The following DOCK1 variants were observed in gnomAD, a reference collection of about 807,000 sequenced individuals.
DOCK1 encodes the protein dedicator of cytokinesis protein 1.
Under a neutral mutation model 262.7 loss-of-function variants are expected in DOCK1, and 138 were observed. The ratio of observed to expected loss-of-function variants is 0.53; its 90% CI spans 0.46 to 0.61. DOCK1 has a LOEUF of 0.61. Among genes scored for constraint, DOCK1 ranks in the 20% least tolerant of loss-of-function variants. The pLI is 0.00. For missense variants in DOCK1, 1,908 were observed against 2,370.7 expected, an observed-to-expected ratio of 0.80 and a Z score of 4.05; for synonymous variants, 866 against 867.4, an observed-to-expected ratio of 1.00 and a Z score of 0.03.
intron 14 of DOCK1, among the ~76,000 whole-genome samples, 152 bp from the exon 15 acceptor site, chr10:127,024,533 C>G (rs1014267837): frequency 2.6e-5 from 4 of 152,156 alleles, no homozygotes; most frequent in Non-Finnish European, 5.9e-5. Flanking sequence ...TCAGGTGGAT[C>G]TGTGCTTCCC....
intron 27 of DOCK1, among the ~76,000 whole-genome samples, chr10:127,209,864 A>G (rs1441954989): frequency 2.6e-5 from 4 of 152,298 alleles, no homozygotes; most frequent in Admixed American, 2.6e-4. Context: ...ACACACACCT[A>G]AATACGCAGA....
At chr10:127,182,859 G>C (rs539160840) in intron 27 of DOCK1, among the ~76,000 whole-genome samples, 1 of 152,194 alleles carries the variant, frequency 6.6e-6, no homozygotes, top group African/African-American at 2.4e-5. Flanking sequence ...CTTTAGTTAC[G>C]ATAGCAGGTG....
At chr10:127,066,215 C>T (rs371850036) in intron 23 of DOCK1, among the ~76,000 whole-genome samples, 5 of 152,050 alleles carry the variant, frequency 3.3e-5, no homozygotes, top group South Asian at 2.1e-4. Context: ...CAGGTGCCCC[C>T]GCCGCCCCCA....
chr10:127,186,217 A>G (rs1410911423), intron 27 of DOCK1, among the ~76,000 whole-genome samples: 3 of 152,168 alleles, frequency 2.0e-5, no homozygotes, highest in African/African-American at 7.2e-5. Flanking sequence ...GAAATGCCTG[A>G]GACTGGGTTA....
intron 23 of DOCK1, among the ~76,000 whole-genome samples, chr10:127,103,349 A>G (rs1328685111): frequency 6.6e-6 from 1 of 152,210 alleles, no homozygotes; most frequent in Admixed American, 6.5e-5. Context: ...AGGACCGCCA[A>G]AACAGGAGAA....
chr10:127,031,159 TG>T (rs1304016359), intron 16 of DOCK1, among the ~76,000 whole-genome samples: 1 of 152,192 alleles, frequency 6.6e-6, no homozygotes, highest in Non-Finnish European at 1.5e-5. Context: ...GCAGTTTCCT[TG>T]GTGGAATGGT....
intron 31 of DOCK1, among the ~76,000 whole-genome samples, chr10:127,351,765 G>T (rs2063891300): frequency 6.6e-6 from 1 of 152,036 alleles, no homozygotes; most frequent in East Asian, 1.9e-4. Flanking sequence ...CCCCCTTGAG[G>T]TCTGGTGACA....
chr10:126,992,963 T>A (rs543654165), intron 6 of DOCK1, among the ~76,000 whole-genome samples: 1 of 152,364 alleles, frequency 6.6e-6, no homozygotes, highest in African/African-American at 2.4e-5. Flanking sequence ...CACTGGTTGC[T>A]GAGAACAATG....
At position 127,273,310 on chromosome 10, in the gene DOCK1, C is replaced by A. The variant is rs74975501; in HGVS notation, c.3044+15881C>A. On this transcript the variant is annotated intron_variant, in intron 29 of 51. Transcript: ENST00000623213. Reference sequence around the variant, plus strand: ...GGAGCTTCCCAGCATTCACCCTTCACCCTTTTGCTGTGTGCCTTCCTTTAC... The same window carrying A: ...GGAGCTTCCCAGCATTCACCCTTCAACCTTTTGCTGTGTGCCTTCCTTTAC... Among the ~76,000 whole-genome samples, 1,301 of 152,296 alleles carry A rather than the reference C, an allele frequency of 8.5e-3. 36 individuals carry two copies. The East Asian group carries it at 0.1, about 12-fold the overall frequency.
chr10:126,983,852 C>T (rs1026368582), intron 4 of DOCK1, among the ~76,000 whole-genome samples: 3 of 152,168 alleles, frequency 2.0e-5, no homozygotes, highest in African/African-American at 7.2e-5. Context: ...AAAGCAATTC[C>T]CATTTTGTCC....
At chr10:127,086,857 T>C (rs1321516690) in intron 23 of DOCK1, among the ~76,000 whole-genome samples, 1 of 152,228 alleles carries the variant, frequency 6.6e-6, no homozygotes, top group Non-Finnish European at 1.5e-5. Context: ...GAATATTAGA[T>C]AGGCATGCAT....
intron 1 of DOCK1, among the ~76,000 whole-genome samples, chr10:126,920,629 C>A (rs963700825): frequency 6.6e-6 from 1 of 152,210 alleles, no homozygotes; most frequent in African/African-American, 2.4e-5. Context: ...AAATTCTGTT[C>A]AGAGCACAGA....
At chr10:127,121,455 A>ATATGTG (rs139656728) in intron 25 of DOCK1, among the ~76,000 whole-genome samples, 2,309 of 148,344 alleles carry the variant, frequency 0.016, 70 homozygotes, top group African/African-American at 0.054. Flanking sequence ...GTATATGTAT[A>ATATGTG]TGTGTGTGTG....
intron 16 of DOCK1, among the ~76,000 whole-genome samples, chr10:127,030,085 C>T (rs1261353818): frequency 6.6e-6 from 1 of 152,046 alleles, no homozygotes; most frequent in African/African-American, 2.4e-5. Flanking sequence ...TGAGCACAAC[C>T]AGGAAGGCAA....
At chr10:127,128,378 CTTT>C (rs34350327) in intron 27 of DOCK1, among the ~76,000 whole-genome samples, 56 of 136,244 alleles carry the variant, frequency 4.1e-4, no homozygotes, top group African/African-American at 1.4e-3. Context: ...AATTTCTTTC[CTTT>C]TTTTTTTTTT....
intron 4 of DOCK1, 123 bp downstream of exon 4, chr10:126,982,096 C>A: frequency 9.4e-7 from 1 of 1,063,648 alleles, no homozygotes; most frequent in Non-Finnish European, 1.4e-6. Context: ...TCCTGGGGGA[C>A]AGGAGTTTTG....
At chr10:127,243,382 A>C (rs2059328562) in intron 27 of DOCK1, among the ~76,000 whole-genome samples, 2 of 151,944 alleles carry the variant, frequency 1.3e-5, no homozygotes, top group South Asian at 4.2e-4. Context: ...CCTGTCACTG[A>C]ATGTCCCCCT....
intron 44 of DOCK1, among the ~76,000 whole-genome samples, chr10:127,416,396 G>A (rs368264051): frequency 4.6e-5 from 7 of 152,188 alleles, no homozygotes; most frequent in Non-Finnish European, 7.3e-5. Flanking sequence ...TAAACAGGCC[G>A]TGATCCTCTT....
intron 33 of DOCK1, among the ~76,000 whole-genome samples, chr10:127,371,266 A>C (rs963381440): frequency 6.6e-6 from 1 of 152,226 alleles, no homozygotes; most frequent in Non-Finnish European, 1.5e-5. Flanking sequence ...CCTTGCTAAT[A>C]AACAGATCAG....
Sources: gnomAD v4.1 joint callset for allele counts (sites outside exome capture counted in the v4.1 genomes callset) on GRCh38, gnomAD v4.1.1 for gene constraint, MANE v1.5 for transcripts, NCBI Gene and HGNC (gene_info 2026-07-23, HGNC 2026-07-21) for gene names.